Variants in ZBTB20 observed in about 807,000 individuals in gnomAD.
ZBTB20 encodes the protein zinc finger and BTB domain-containing protein 20.
A neutral mutation model predicts 56.9 loss-of-function variants in ZBTB20; 9 were observed. The observed-to-expected ratio is 0.16, with a 90% CI of 0.10 to 0.28. The LOEUF (loss-of-function observed/expected upper bound fraction) is 0.28, where lower values mean the gene tolerates loss of function less well. Among genes scored for constraint, ZBTB20 ranks in the 10% least tolerant of loss-of-function variants. The pLI is 1.00. For missense variants in ZBTB20, 655 were observed against 1,003.0 expected (o/e 0.65, Z 4.69); for synonymous variants, 417 against 420.7 (o/e 0.99, Z 0.11).
In ZBTB20 at chr3:115,079,254, T is replaced by C. The variant is rs1351408779; in HGVS notation, c.-702-7840A>G. On this transcript the variant is annotated intron_variant, in intron 1 of 11. Transcript: ENST00000675478. ...CTCTAGATGTTCAAGAAGTTTCCACTTACTCTCCAGGGCTAATGAGTATTA... is the reference window on the plus strand; with the variant it reads ...CTCTAGATGTTCAAGAAGTTTCCACCTACTCTCCAGGGCTAATGAGTATTA... Among the ~76,000 whole-genome samples the C allele has an allele frequency of 3.9e-5, 6 of 152,176 alleles. No individual in the cohort carries two copies. The South Asian group carries it at 1.2e-3, about 32-fold the overall frequency.
chr3:114,549,694 T>G lies in ZBTB20; in HGVS notation c.-294-49303A>C, dbSNP rs190000014. 7.3e-3 allele frequency among the ~76,000 whole-genome samples: 1,110 copies of G among 152,136 alleles called. 13 individuals are homozygous for G. The highest frequency in any genetic ancestry group is 0.025 in the African/African-American group (1,056 of 41,514). On this transcript the variant is annotated intron_variant, in intron 6 of 11. Transcript: ENST00000675478. Reference sequence around the variant, plus strand: ...TTCTCTAATCATCACACTAAGGATTTTTTTTCTAGAAAGCTATGGGCAGAG... The same window carrying G: ...TTCTCTAATCATCACACTAAGGATTGTTTTTCTAGAAAGCTATGGGCAGAG...
At chr3:114,720,004 C>T (rs2064800715) in intron 5 of ZBTB20, among the ~76,000 whole-genome samples, 1 of 150,916 alleles carries the variant, frequency 6.6e-6, no homozygotes, top group African/African-American at 2.4e-5. Context: ...GCAAGTTTCT[C>T]AAGAGAGGTG....
intron 4 of ZBTB20, among the ~76,000 whole-genome samples, chr3:114,882,915 T>G (rs937423209): frequency 1.4e-4 from 22 of 152,160 alleles, no homozygotes; most frequent in Non-Finnish European, 2.8e-4. Flanking sequence ...TTGTTCAGTG[T>G]AATGGTAAAT....
intron 6 of ZBTB20, among the ~76,000 whole-genome samples, chr3:114,613,881 T>C (rs2057735342): frequency 6.6e-6 from 1 of 152,074 alleles, no homozygotes; most frequent in Non-Finnish European, 1.5e-5. Flanking sequence ...ACAGCAGCTG[T>C]TTATTGAGTG....
intron 6 of ZBTB20, among the ~76,000 whole-genome samples, chr3:114,597,956 CT>C (rs1286561154): frequency 1.3e-5 from 2 of 151,974 alleles, no homozygotes; most frequent in Non-Finnish European, 2.9e-5. Flanking sequence ...TCTTTAAAGG[CT>C]TTTATTTTGA....
chr3:114,426,596 C>T (rs192177667), intron 7 of ZBTB20, among the ~76,000 whole-genome samples: 64 of 152,226 alleles, frequency 4.2e-4, no homozygotes, highest in African/African-American at 1.4e-3. Context: ...GGCTTCCTTC[C>T]GCTGAGAATA....
intron 6 of ZBTB20, among the ~76,000 whole-genome samples, chr3:114,579,148 A>G (rs1183634612): frequency 6.6e-6 from 1 of 151,794 alleles, no homozygotes; most frequent in African/African-American, 2.4e-5. Flanking sequence ...AAACAGATAA[A>G]CCACCTACAG....
rs182199385 is a variant in ZBTB20, at chr3:114,945,417, T to C, written c.-456+28949A>G. Among the ~76,000 whole-genome samples the C allele has an allele frequency of 7.6e-5, 11 of 145,200 alleles. No individual in the cohort carries two copies. In the East Asian group the frequency reaches 2.1e-3, roughly 28 times the overall value. On this transcript the variant is annotated intron_variant, in intron 3 of 11. Transcript: ENST00000675478. Reference sequence around the variant, plus strand: ...ATAATGTTTTAGGAATTAGAGCACTTGAAGAATTATAATTCAGGACAATGA... The same window carrying C: ...ATAATGTTTTAGGAATTAGAGCACTCGAAGAATTATAATTCAGGACAATGA...
At chr3:115,011,280 T>G (rs2079696318) in intron 2 of ZBTB20, among the ~76,000 whole-genome samples, 2 of 151,786 alleles carry the variant, frequency 1.3e-5, no homozygotes, top group Admixed American at 6.6e-5. Flanking sequence ...TAGAGAAATA[T>G]ATCAATATTC....
intron 3 of ZBTB20, among the ~76,000 whole-genome samples, chr3:114,950,921 A>G (rs2077044822): frequency 6.6e-6 from 1 of 152,168 alleles, no homozygotes; most frequent in Non-Finnish European, 1.5e-5. Flanking sequence ...ACATAATGTG[A>G]GCACAAGAAG....
At chr3:114,371,437 C>T (rs1053953058) in intron 10 of ZBTB20, among the ~76,000 whole-genome samples, 7 of 152,128 alleles carry the variant, frequency 4.6e-5, no homozygotes, top group East Asian at 1.9e-4. Flanking sequence ...ATCAATGCTC[C>T]GGTGGGTCTC....
At chr3:114,688,403 A>G (rs1409097824) in intron 6 of ZBTB20, 5 of 151,716 alleles carry the variant, frequency 3.3e-5, no homozygotes, top group Non-Finnish European at 7.4e-5. Flanking sequence ...AAAAAAAAAA[A>G]AGAAATTTGT....
rs2080675652 is a variant in ZBTB20 at position 114,351,550 on chromosome 3, G to A, written c.528C>T (p.Ala176=). 1.2e-6 allele frequency: 2 copies of A among 1,614,014 alleles called. No homozygotes were observed. Among genetic ancestry groups the A allele is most frequent in the Non-Finnish European group, 1.7e-6 (2 of 1,180,020 alleles). Residue 176 remains alanine, a synonymous_variant, in exon 11 of 12, where the codon GCC becomes GCT. Transcript: ENST00000675478. ...SQSEALQILT[A]ASILQIKTVI... ...CTGTTTTGATCTGCAGGATGCTGGC[G>A]GCCGTGAGGATCTGCAGAGCTTCCG... is the stretch of plus-strand genomic sequence containing the variant.
rs191822981 is a variant in ZBTB20, at chr3:114,479,755, T to C, written c.-255+20597A>G. 1.6e-3 allele frequency among the ~76,000 whole-genome samples: 242 copies of C among 152,318 alleles called. 1 individual carries two copies. The highest frequency in any genetic ancestry group is 3.4e-3 in the Middle Eastern group (1 of 294). On this transcript the variant is annotated intron_variant, in intron 7 of 11. Coordinates refer to ENST00000675478, the MANE Select transcript of ZBTB20 (RefSeq NM_001348800.3). ...TTGTTTTGAAAAACTGCTCAGCAAA[T>C]GCATACAGGTCATAATGGCAGGTAA...
intron 7 of ZBTB20, among the ~76,000 whole-genome samples, chr3:114,400,226 T>C (rs1297979101): frequency 6.6e-6 from 1 of 152,160 alleles, no homozygotes; most frequent in Non-Finnish European, 1.5e-5. Flanking sequence ...AGTCTTATTG[T>C]TCTCACTTAT....
chr3:114,481,901 G>A (rs971647577), intron 7 of ZBTB20, among the ~76,000 whole-genome samples: 1 of 152,182 alleles, frequency 6.6e-6, no homozygotes, highest in East Asian at 1.9e-4. Flanking sequence ...AACGGTGGGG[G>A]AAATCTCTGG....
chr3:114,793,158 G>A (rs1258088722), intron 5 of ZBTB20, among the ~76,000 whole-genome samples: 1 of 151,984 alleles, frequency 6.6e-6, no homozygotes, highest in East Asian at 1.9e-4. Flanking sequence ...GGGATTACAG[G>A]CATGAGCCAC....
chr3:114,900,646 CTT>C (rs1269649866), intron 3 of ZBTB20: 1 of 137,208 alleles, frequency 7.3e-6, no homozygotes. Context: ...GAGGCAAACA[CTT>C]TAAAATGATT....
intron 7 of ZBTB20, among the ~76,000 whole-genome samples, chr3:114,476,450 T>C (rs2040778386): frequency 6.6e-6 from 1 of 152,218 alleles, no homozygotes; most frequent in Admixed American, 6.5e-5. Context: ...ATAAACTGGC[T>C]AATTTAAAAA....
Sources: allele counts gnomAD v4.1 joint callset (sites outside exome capture counted in the v4.1 genomes callset), GRCh38; gene constraint gnomAD v4.1.1; transcripts MANE v1.5; gene names NCBI Gene and HGNC (gene_info 2026-07-23, HGNC 2026-07-21).